DOCK3: variants seen among roughly 807,000 people sequenced by gnomAD.
DOCK3 encodes dedicator of cytokinesis protein 3.
A neutral mutation model predicts 265.6 loss-of-function variants in DOCK3; 60 were observed. The ratio of observed to expected loss-of-function variants is 0.23; its 90% CI spans 0.18 to 0.28. The LOEUF (loss-of-function observed/expected upper bound fraction) is 0.28, where lower values mean the gene tolerates loss of function less well. Ranked by LOEUF, DOCK3 falls within the 10% of genes least tolerant of loss-of-function variation. DOCK3 has a pLI of 1.00. For missense variants in DOCK3, 1,981 were observed against 2,594.3 expected (o/e 0.76, Z 5.14); for synonymous variants, 881 against 938.0 (o/e 0.94, Z 1.11).
At chr3:51,111,312 A>G (rs560051069) in intron 9 of DOCK3, among the ~76,000 whole-genome samples, 24 of 152,066 alleles carry the variant, frequency 1.6e-4, no homozygotes, top group Non-Finnish European at 3.4e-4. Flanking sequence ...GTTGTTTTAA[A>G]TACACTAACT....
intron 21 of DOCK3, among the ~76,000 whole-genome samples, chr3:51,240,353 T>C (rs1560267125): frequency 6.6e-6 from 1 of 152,210 alleles, no homozygotes; most frequent in Non-Finnish European, 1.5e-5. Context: ...TGTGTCCCAA[T>C]TATGTGGTCA....
chr3:50,946,139 C>A (rs2108276478), intron 5 of DOCK3, among the ~76,000 whole-genome samples: 1 of 144,368 alleles, frequency 6.9e-6, no homozygotes, highest in Middle Eastern at 3.7e-3. Flanking sequence ...GTGCCTTGTG[C>A]ATTTTCAGTG....
intron 20 of DOCK3, 48 bp from the exon 21 acceptor site, chr3:51,237,442 T>A: frequency 1.3e-6 from 2 of 1,508,702 alleles, no homozygotes; most frequent in Non-Finnish European, 1.8e-6. Flanking sequence ...TGGGGATAGA[T>A]CTGAGGCCTC....
At position 50,684,946 on chromosome 3, in the gene DOCK3, C is replaced by T. The variant is rs376736960; in HGVS notation, c.37+9646C>T. Among the ~76,000 whole-genome samples the T allele has an allele frequency of 1.1e-4, 17 of 151,502 alleles. No homozygotes were observed. The East Asian group carries it at 3.1e-3, about 28-fold the overall frequency. On this transcript the variant is annotated intron_variant, in intron 1 of 52. Transcript: ENST00000266037. ...AATGTCAGTAAATACAAAAAAAATACAAAAAAGAACATAAAGGTGATGTCT... is the reference window on the plus strand; with the variant it reads ...AATGTCAGTAAATACAAAAAAAATATAAAAAAGAACATAAAGGTGATGTCT...
intron 23 of DOCK3, among the ~76,000 whole-genome samples, chr3:51,267,389 T>C (rs888214591): frequency 2.0e-4 from 30 of 150,602 alleles, no homozygotes; most frequent in African/African-American, 2.9e-4. Context: ...TTCTTTCTTT[T>C]TTTTTTTTTT....
intron 5 of DOCK3, among the ~76,000 whole-genome samples, chr3:50,979,000 C>T (rs1452308960): frequency 6.6e-6 from 1 of 152,162 alleles, no homozygotes; most frequent in South Asian, 2.1e-4. Context: ...TACCCTGCTT[C>T]GGCTCGCGTA....
At chr3:51,053,345 G>T (rs2081077459) in intron 5 of DOCK3, among the ~76,000 whole-genome samples, 1 of 150,594 alleles carries the variant, frequency 6.6e-6, no homozygotes, top group Non-Finnish European at 1.5e-5. Context: ...TAGAAGATAA[G>T]AATTAAGCTC....
At chr3:51,224,974 C>G (rs2090263296) in intron 14 of DOCK3, among the ~76,000 whole-genome samples, 1 of 152,096 alleles carries the variant, frequency 6.6e-6, no homozygotes, top group Non-Finnish European at 1.5e-5. Context: ...CTGGTCAGAG[C>G]ACAGGGAAGC....
chr3:51,304,956 A>G (rs2082571077), intron 27 of DOCK3, among the ~76,000 whole-genome samples: 1 of 152,124 alleles, frequency 6.6e-6, no homozygotes, highest in Admixed American at 6.5e-5. Flanking sequence ...GGACTTTCTT[A>G]TGGCCTAACA....
rs148078892 is a variant in DOCK3, at chr3:51,083,229, A to G, written c.550-6014A>G. On this transcript the variant is annotated intron_variant, in intron 7 of 52. Coordinates refer to ENST00000266037, the MANE Select transcript of DOCK3 (RefSeq NM_004947.5). ...GAAGAAATCATATGGAGAGTCTGCT[A>G]CTGCACTCACCTAGAATCAAATCCA... 2.4e-4 allele frequency among the ~76,000 whole-genome samples: 37 copies of G among 152,320 alleles called. No individual in the cohort carries two copies. In the East Asian group the frequency reaches 6.2e-3, roughly 25 times the overall value.
At chr3:50,804,045 T>C (rs1424244205) in intron 2 of DOCK3, among the ~76,000 whole-genome samples, 2 of 145,402 alleles carry the variant, frequency 1.4e-5, no homozygotes, top group Non-Finnish European at 1.5e-5. Context: ...GCAGAGACAC[T>C]CCTTAGTTCC....
At chr3:51,358,894 C>G (rs1224449303) in intron 46 of DOCK3, among the ~76,000 whole-genome samples, 12 of 152,216 alleles carry the variant, frequency 7.9e-5, no homozygotes, top group Non-Finnish European at 1.8e-4. Context: ...ATATCCAAAC[C>G]TCATTTTCAA....
chr3:50,879,321 GAC>G (rs1287110817), intron 3 of DOCK3, among the ~76,000 whole-genome samples: 2 of 152,160 alleles, frequency 1.3e-5, no homozygotes, highest in Non-Finnish European at 2.9e-5. Flanking sequence ...CCAATTGAAA[GAC>G]ACAGACTGGC....
intron 33 of DOCK3, among the ~76,000 whole-genome samples, chr3:51,332,361 T>G (rs1427701322): frequency 6.6e-6 from 1 of 152,176 alleles, no homozygotes; most frequent in African/African-American, 2.4e-5. Flanking sequence ...TGCCCTGAGG[T>G]ACCAGGAGCA....
chr3:50,833,616 C>T (rs1447077569), intron 2 of DOCK3, among the ~76,000 whole-genome samples: 1 of 152,114 alleles, frequency 6.6e-6, no homozygotes, highest in African/African-American at 2.4e-5. Flanking sequence ...CAGGAATTGA[C>T]ATTCTTTACC....
chr3:51,240,408 T>C (rs2078558295), intron 21 of DOCK3, among the ~76,000 whole-genome samples: 1 of 152,254 alleles, frequency 6.6e-6, no homozygotes, highest in South Asian at 2.1e-4. Flanking sequence ...ATGTATGTTC[T>C]CTTGCTTTTG....
intron 21 of DOCK3, among the ~76,000 whole-genome samples, chr3:51,244,558 T>C (rs2078742512): frequency 1.3e-5 from 2 of 152,218 alleles, no homozygotes; most frequent in Admixed American, 6.5e-5. Context: ...TGAATTTATT[T>C]ATTAGTTCTA....
intron 3 of DOCK3, chr3:50,877,396 T>C (rs899085008): frequency 7.7e-6 from 4 of 518,954 alleles, no homozygotes; most frequent in Non-Finnish European, 1.5e-5. Context: ...AGGGTCAAGA[T>C]TATAGCTGCT....
chr3:51,357,252 C>G (rs1404132175), intron 44 of DOCK3, 111 bp downstream of exon 44: 2 of 1,237,928 alleles, frequency 1.6e-6, no homozygotes, highest in Non-Finnish European at 2.2e-6. Flanking sequence ...CCTACATGCC[C>G]TCTCTTGACA....
Sources: allele counts gnomAD v4.1 joint callset (sites outside exome capture counted in the v4.1 genomes callset), GRCh38; gene constraint gnomAD v4.1.1; transcripts MANE v1.5; gene names NCBI Gene and HGNC (gene_info 2026-07-23, HGNC 2026-07-21).